Variants in ZNHIT3 observed in about 807,000 individuals in gnomAD.
ZNHIT3 encodes the protein zinc finger HIT-type containing 3, also known as zinc finger HIT domain-containing protein 3.
A neutral mutation model predicts 19.9 loss-of-function variants in ZNHIT3; 27 were observed. That is an observed-to-expected ratio of 1.36 (90% CI 1.00 to 1.87). The LOEUF is 1.87. ZNHIT3 is among the 40% of genes most tolerant of loss of function. The probability of loss-of-function intolerance (pLI) is 0.00; values close to 1 mark genes in which losing one functional copy is unlikely to be tolerated. For synonymous variants in ZNHIT3, 81 were observed against 65.7 expected (o/e 1.23, Z -1.13); for missense variants, 215 against 185.6 (o/e 1.16, Z -0.92).
At position 36,495,263 on chromosome 17, in the gene ZNHIT3, C is replaced by A; in HGVS notation, c.327C>A (p.His109Gln). The A allele has an allele frequency of 6.2e-7, 1 of 1,611,598 alleles. No individual in the cohort carries two copies. The highest frequency in any genetic ancestry group is 8.5e-7 in the Non-Finnish European group (1 of 1,179,392). Residue 109 changes from histidine to glutamine, a missense_variant, in exon 5 of 5, where the codon CAC becomes CAA. By Grantham distance (24) the His-to-Gln change is conservative (BLOSUM62 0). Transcript: ENST00000617429. ...TAAGAAGCTTATTGCTCAATCCACA[C>A]CTCAGGCAGTTGATGGTCAACCTCG... ...ATLRSLLLNP[H>Q]LRQLMVNLDQ...
chr17:36,498,314 C>T (rs758074966), downstream of ZNHIT3: 1 of 1,613,986 alleles, frequency 6.2e-7, no homozygotes, highest in Non-Finnish European at 8.5e-7. Flanking sequence ...CTTGTGCTGT[C>T]TGGACAGTGT....
At chr17:36,488,531 T>C (rs1050289776) in intron 2 of ZNHIT3, among the ~76,000 whole-genome samples, 6 of 151,824 alleles carry the variant, frequency 4.0e-5, no homozygotes, top group African/African-American at 1.5e-4. Context: ...GGCAACAGAG[T>C]GAGACTCCAT....
chr17:36,498,908 G>A (rs1264673312), downstream of ZNHIT3: 14 of 612,508 alleles, frequency 2.3e-5, 1 homozygote, highest in Non-Finnish European at 4.1e-5. Context: ...CTGCAGGGTA[G>A]GTGTTACTGT....
chr17:36,486,846 A>G, intron 1 of ZNHIT3, 61 bp downstream of exon 1: 3 of 1,142,890 alleles, frequency 2.6e-6, no homozygotes, highest in Non-Finnish European at 3.7e-6. Context: ...GGAGGGCGGG[A>G]GGCCGGGAGG....
At chr17:36,490,645 G>A (rs1275886206) in intron 2 of ZNHIT3, 1 of 152,092 alleles carries the variant, frequency 6.6e-6, no homozygotes, top group African/African-American at 2.4e-5. Flanking sequence ...TTTTGATAGG[G>A]ATTGCATTGA....
At chr17:36,496,556 A>G, downstream of ZNHIT3, 1 of 714,060 alleles carries the variant, frequency 1.4e-6, no homozygotes, top group Non-Finnish European at 2.3e-6. Flanking sequence ...CATTACATCC[A>G]CTCAGTGTGA....
chr17:36,494,946 G>T (rs1410318426), intron 4 of ZNHIT3, among the ~76,000 whole-genome samples: 1 of 152,138 alleles, frequency 6.6e-6, no homozygotes, highest in Non-Finnish European at 1.5e-5. Flanking sequence ...CCAAGAACTG[G>T]TATCTGTTAC....
At chr17:36,497,446 A>C (rs372181455), downstream of ZNHIT3, among the ~76,000 whole-genome samples, 3 of 152,158 alleles carry the variant, frequency 2.0e-5, no homozygotes, top group Admixed American at 2.0e-4. Context: ...GTGCCATTTG[A>C]GGTAACAAAC....
At chr17:36,498,043 G>A (rs988463910), downstream of ZNHIT3, 1 of 533,548 alleles carries the variant, frequency 1.9e-6, no homozygotes, top group African/African-American at 1.9e-5. Flanking sequence ...GAAATAATTA[G>A]AAGCAGTTTT....
downstream of ZNHIT3, chr17:36,498,678 GC>G (rs1375035106): frequency 2.5e-6 from 3 of 1,222,774 alleles, no homozygotes; most frequent in Non-Finnish European, 3.3e-6. Context: ...GCACCTGGTT[GC>G]AAACAGCTGG....
chr17:36,490,952 AC>A (rs1419100877), intron 2 of ZNHIT3: 2 of 152,016 alleles, frequency 1.3e-5, no homozygotes, highest in Non-Finnish European at 2.9e-5. Context: ...AGTAGTTGGG[AC>A]TGCAGGCGTG....
chr17:36,486,861 G>T, intron 1 of ZNHIT3, 74 bp from the exon 2 acceptor site: 2 of 1,590,146 alleles, frequency 1.3e-6, no homozygotes, highest in Non-Finnish European at 1.7e-6. Flanking sequence ...GGGAGGCCGG[G>T]CGGGAGCGGG....
downstream of ZNHIT3, chr17:36,498,014 T>C (rs1230027846): frequency 1.0e-5 from 5 of 501,712 alleles, no homozygotes; most frequent in African/African-American, 9.5e-5. Context: ...GAAATGGGAC[T>C]AGAAGATTTA....
chr17:36,488,560 A>G (rs2070643898), intron 2 of ZNHIT3, among the ~76,000 whole-genome samples: 1 of 152,186 alleles, frequency 6.6e-6, no homozygotes, highest in African/African-American at 2.4e-5. Flanking sequence ...AAATTAAAAA[A>G]ATTAAAAATA....
At chr17:36,487,095 A>C in intron 2 of ZNHIT3, 129 bp downstream of exon 2, 1 of 1,286,880 alleles carries the variant, frequency 7.8e-7, no homozygotes, top group Non-Finnish European at 1.1e-6. Flanking sequence ...CGGGTTCTGC[A>C]GGAACCTTGC....
At chr17:36,486,841 G>GCGGGAGGCCGGGAGGCCGGGAGGC in intron 1 of ZNHIT3, 56 bp downstream of exon 1, 2 of 1,599,736 alleles carry the variant, frequency 1.3e-6, no homozygotes, top group Admixed American at 3.5e-5. Flanking sequence ...TGGCGGGAGG[G>GCGGGAGGCCGGGAGGCCGGGAGGC]CGGGAGGCCG....
At chr17:36,495,200 CT>C in intron 4 of ZNHIT3, 22 bp from the exon 5 acceptor site, 1 of 1,547,484 alleles carries the variant, frequency 6.5e-7, no homozygotes, top group Non-Finnish European at 8.7e-7. Flanking sequence ...CTCAGACTGG[CT>C]TTTTTTCTTG....
At chr17:36,491,977 G>A (rs2070736685) in intron 2 of ZNHIT3, 2 of 152,214 alleles carry the variant, frequency 1.3e-5, no homozygotes, top group African/African-American at 2.4e-5. Flanking sequence ...TGGGGGCTTC[G>A]TAAAGGTTCA....
intron 2 of ZNHIT3, chr17:36,490,597 A>T (rs2070703517): frequency 6.6e-6 from 1 of 151,264 alleles, no homozygotes; most frequent in African/African-American, 2.4e-5. Context: ...TAATTTTAGA[A>T]TTTTTTTTTG....
Sources: allele counts gnomAD v4.1 joint callset (sites outside exome capture counted in the v4.1 genomes callset), GRCh38; gene constraint gnomAD v4.1.1; transcripts MANE v1.5; gene names NCBI Gene and HGNC (gene_info 2026-07-23, HGNC 2026-07-21).